Variants in MSRA observed in about 807,000 individuals in gnomAD.
The protein encoded by MSRA is methionine sulfoxide reductase A.
In MSRA, 54 loss-of-function variants were observed where a neutral mutation model predicts 31.3. The ratio of observed to expected loss-of-function variants is 1.73; its 90% CI spans 1.39 to 2.17. The LOEUF (loss-of-function observed/expected upper bound fraction) is 2.17. MSRA is among the 30% of genes most tolerant of loss of function. The pLI is 0.00. For synonymous variants in MSRA, 169 were observed against 116.5 expected (o/e 1.45, Z -2.90); for missense variants, 507 against 300.9 (o/e 1.69, Z -5.07).
intron 5 of MSRA, among the ~76,000 whole-genome samples, chr8:10,377,239 G>A (rs1021576864): frequency 7.2e-5 from 11 of 152,376 alleles, no homozygotes; most frequent in South Asian, 2.1e-4. Flanking sequence ...GTGGCTTAAC[G>A]TTAATTACAT....
chr8:10,136,620 G>A lies in MSRA; in HGVS notation c.143-71213G>A, dbSNP rs192787563. Among the ~76,000 whole-genome samples, 144 of 152,338 alleles carry A rather than the reference G, an allele frequency of 9.5e-4. 2 individuals carry two copies. The highest frequency in any genetic ancestry group is 3.2e-3 in the African/African-American group (133 of 41,570). The stretch of plus-strand genomic sequence containing the variant: ...ATTGTAGCATATCTCTTTTGACACA[G>A]TGGGAACGAGAGCCTTTACGTCAAG... On this transcript the variant is annotated intron_variant, in intron 1 of 5. Coordinates refer to ENST00000317173, the MANE Select transcript of MSRA (RefSeq NM_012331.5).
At chr8:10,075,277 C>G (rs1185221474) in intron 1 of MSRA, among the ~76,000 whole-genome samples, 1 of 152,094 alleles carries the variant, frequency 6.6e-6, no homozygotes, top group African/African-American at 2.4e-5. Flanking sequence ...AGCTTATATT[C>G]TGTAGTATCG....
chr8:10,219,906 G>T (rs535353443), intron 2 of MSRA, among the ~76,000 whole-genome samples: 1 of 151,068 alleles, frequency 6.6e-6, no homozygotes, highest in Non-Finnish European at 1.5e-5. Context: ...CCCCTGGTAG[G>T]CAATCAAAAT....
chr8:10,189,124 A>G (rs569824785), intron 1 of MSRA, among the ~76,000 whole-genome samples: 5 of 152,272 alleles, frequency 3.3e-5, no homozygotes, highest in South Asian at 4.1e-4. Flanking sequence ...ATATGTTGTT[A>G]TTATGTAAAG....
chr8:10,126,485 C>T (rs191422741), intron 1 of MSRA, among the ~76,000 whole-genome samples: 1 of 152,218 alleles, frequency 6.6e-6, no homozygotes, highest in African/African-American at 2.4e-5. Context: ...TTCCACTTAA[C>T]ATCATCAGGC....
intron 3 of MSRA, 130 bp from the exon 4 acceptor site, chr8:10,301,404 A>G: frequency 1.5e-6 from 1 of 662,662 alleles, no homozygotes; most frequent in Admixed American, 2.7e-5. Flanking sequence ...GCTAAAGTCT[A>G]ATCCTCCTTC....
intron 3 of MSRA, among the ~76,000 whole-genome samples, chr8:10,285,495 G>A (rs1006435320): frequency 1.2e-4 from 18 of 152,022 alleles, no homozygotes; most frequent in African/African-American, 4.1e-4. Flanking sequence ...TTTGTGTTGG[G>A]AACCTTCAAA....
chr8:10,182,551 GTTTATTTA>G (rs142017162), intron 1 of MSRA, among the ~76,000 whole-genome samples: 4 of 152,146 alleles, frequency 2.6e-5, no homozygotes. Context: ...GCAAGATTCA[GTTTATTTA>G]TTTATTTATT....
At chr8:10,127,314 C>A (rs568065689) in intron 1 of MSRA, among the ~76,000 whole-genome samples, 4 of 152,244 alleles carry the variant, frequency 2.6e-5, no homozygotes, top group Non-Finnish European at 5.9e-5. Flanking sequence ...ATTGCAACCT[C>A]AGGCATAAAT....
At chr8:10,209,587 T>A (rs1014023764) in intron 2 of MSRA, among the ~76,000 whole-genome samples, 1 of 152,190 alleles carries the variant, frequency 6.6e-6, no homozygotes. Flanking sequence ...TGGAAAGATT[T>A]GGTTTATAGC....
intron 1 of MSRA, among the ~76,000 whole-genome samples, chr8:10,151,001 GTGTCAGGTGGGCAGTGA>G (rs1203411118): frequency 1.3e-5 from 2 of 152,040 alleles, no homozygotes; most frequent in Non-Finnish European, 2.9e-5. Context: ...ATGCATGTGT[GTGTCAGGTGGGCAGTGA>G]TGGGGGGGTG....
At chr8:10,219,806 C>CAA (rs59393980) in intron 2 of MSRA, among the ~76,000 whole-genome samples, 14 of 57,082 alleles carry the variant, frequency 2.5e-4, no homozygotes, top group African/African-American at 7.2e-4. Context: ...ACTCTGTCTC[C>CAA]AAAAAAAAAA....
intron 1 of MSRA, among the ~76,000 whole-genome samples, chr8:10,123,681 T>C (rs1722846130): frequency 6.6e-6 from 1 of 152,110 alleles, no homozygotes; most frequent in South Asian, 2.1e-4. Flanking sequence ...CTATGTGGTG[T>C]AAGGAATCAG....
chr8:10,109,323 T>C (rs547263926), intron 1 of MSRA, among the ~76,000 whole-genome samples: 3 of 151,660 alleles, frequency 2.0e-5, no homozygotes, highest in South Asian at 2.1e-4. Flanking sequence ...GCTTTCTTTT[T>C]TTACTTTTCT....
intron 1 of MSRA, among the ~76,000 whole-genome samples, chr8:10,149,474 C>T: frequency 6.6e-6 from 1 of 152,220 alleles, no homozygotes. Context: ...GCCCAGGCCC[C>T]TCCAGGGCCT....
chr8:10,127,512 T>C (rs747825949), intron 1 of MSRA, among the ~76,000 whole-genome samples: 3 of 152,212 alleles, frequency 2.0e-5, no homozygotes, highest in African/African-American at 7.2e-5. Context: ...GAGATCATGC[T>C]GGTGGTCATC....
At chr8:10,420,559 C>T (rs927558414) in intron 5 of MSRA, among the ~76,000 whole-genome samples, 3 of 152,090 alleles carry the variant, frequency 2.0e-5, no homozygotes, top group African/African-American at 7.2e-5. Flanking sequence ...TGGGGTCTCA[C>T]CTTACACAGC....
chr8:10,177,039 G>C (rs2129048553), intron 1 of MSRA, among the ~76,000 whole-genome samples: 1 of 152,322 alleles, frequency 6.6e-6, no homozygotes, highest in Admixed American at 6.5e-5. Context: ...AGAGACCTTA[G>C]AATGAGAAAT....
chr8:10,262,753 A>G (rs1798547334), intron 3 of MSRA, among the ~76,000 whole-genome samples: 1 of 152,174 alleles, frequency 6.6e-6, no homozygotes, highest in Non-Finnish European at 1.5e-5. Context: ...TGGGAAGGTG[A>G]ATTGCAGGCC....
Sources: allele counts gnomAD v4.1 joint callset (sites outside exome capture counted in the v4.1 genomes callset), GRCh38; gene constraint gnomAD v4.1.1; transcripts MANE v1.5; gene names NCBI Gene and HGNC (gene_info 2026-07-23, HGNC 2026-07-21).